Variants in TLK1 observed in about 807,000 individuals in gnomAD.
The protein encoded by TLK1 is serine/threonine-protein kinase tousled-like 1.
TLK1 carries 24 observed loss-of-function variants against 105.3 expected under a neutral mutation model. The ratio of observed to expected loss-of-function variants is 0.23; its 90% CI spans 0.17 to 0.32. The LOEUF (loss-of-function observed/expected upper bound fraction) is 0.32. Ranked by LOEUF, TLK1 falls within the 10% of genes least tolerant of loss-of-function variation. TLK1 has a pLI of 1.00. For missense variants in TLK1, 558 were observed against 910.5 expected, an observed-to-expected ratio of 0.61 and a Z score of 4.98; for synonymous variants, 321 against 310.4, an observed-to-expected ratio of 1.03 and a Z score of -0.36.
rs185621057 is a variant in TLK1 at position 171,038,320 on chromosome 2, T to C, written c.1169+7854A>G. ...TTCTCTGTATTGTATGTGTGTTTCCTATATTAATTTCTGCTATCTTTTCCC... is the reference window on the plus strand; with the variant it reads ...TTCTCTGTATTGTATGTGTGTTTCCCATATTAATTTCTGCTATCTTTTCCC... On this transcript the variant is annotated intron_variant, in intron 11 of 20. Coordinates refer to ENST00000431350, the MANE Select transcript of TLK1 (RefSeq NM_012290.5). Among the ~76,000 whole-genome samples the C allele has an allele frequency of 9.9e-5, 15 of 152,274 alleles. No individual in the cohort carries two copies. In the East Asian group the frequency reaches 2.9e-3, roughly 29 times the overall value.
chr2:171,190,962 G>C (rs1340544789), intron 1 of TLK1, among the ~76,000 whole-genome samples: 3 of 151,766 alleles, frequency 2.0e-5, no homozygotes, highest in African/African-American at 7.3e-5. Context: ...AGGAGTTCAA[G>C]ACTAGCCTGG....
At position 171,011,435 on chromosome 2, in the gene TLK1, A is replaced by C; in HGVS notation, c.1354T>G (p.Leu452Val). ...DNSQFKDHPT[L>V]NERYLLLHLL... ...TGAAGTAATAAATATCTTTCATTTAATGTTGGGTGATCTTTGAACCTTAGA... is the reference window on the plus strand; with the variant it reads ...TGAAGTAATAAATATCTTTCATTTACTGTTGGGTGATCTTTGAACCTTAGA... Residue 452 changes from leucine (L) to valine (V), a missense_variant, in exon 14 of 21, where the codon TTA becomes GTA. By Grantham distance (32) the Leu-to-Val change is conservative (BLOSUM62 1). Around this residue, in one of 5 missense-constraint regions of TLK1, gnomAD observed 218 missense variants for 492.9 expected, o/e 0.44. Coordinates refer to ENST00000431350, the MANE Select transcript of TLK1 (RefSeq NM_012290.5). 6.2e-7 allele frequency: 1 copy of C among 1,613,146 alleles called. No homozygotes were observed. The highest frequency in any genetic ancestry group is 8.5e-7 in the Non-Finnish European group (1 of 1,179,568).
At chr2:171,188,366 T>G (rs932495085) in intron 1 of TLK1, among the ~76,000 whole-genome samples, 4 of 151,916 alleles carry the variant, frequency 2.6e-5, no homozygotes, top group African/African-American at 9.7e-5. Context: ...GGTCAGGTGT[T>G]CAAGACCAGC....
chr2:171,158,503 A>G (rs1167724972), intron 1 of TLK1, among the ~76,000 whole-genome samples: 1 of 152,208 alleles, frequency 6.6e-6, no homozygotes, highest in Non-Finnish European at 1.5e-5. Context: ...CCCAATACTG[A>G]TAACAGATAT....
At chr2:171,187,075 A>AG (rs1326984315) in intron 1 of TLK1, among the ~76,000 whole-genome samples, 2 of 128,440 alleles carry the variant, frequency 1.6e-5, no homozygotes, top group South Asian at 2.9e-4. Flanking sequence ...AAAAAAAAAA[A>AG]AAAAAAAAGA....
intron 1 of TLK1, among the ~76,000 whole-genome samples, chr2:171,158,702 A>G (rs577420018): frequency 2.1e-4 from 32 of 152,360 alleles, no homozygotes; most frequent in South Asian, 1.0e-3. Flanking sequence ...ATGAAACTAC[A>G]AACAAAAGTA....
intron 1 of TLK1, among the ~76,000 whole-genome samples, chr2:171,196,645 T>G (rs1693281213): frequency 6.6e-6 from 1 of 152,206 alleles, no homozygotes; most frequent in Non-Finnish European, 1.5e-5. Context: ...TGCAGAAGAA[T>G]GGTGAGCTTG....
chr2:171,184,955 C>T (rs1431494014), intron 1 of TLK1, among the ~76,000 whole-genome samples: 1 of 152,064 alleles, frequency 6.6e-6, no homozygotes, highest in Non-Finnish European at 1.5e-5. Context: ...TCTCCTGCCT[C>T]AGACTCCCAA....
chr2:171,132,575 C>T (rs959255972), intron 1 of TLK1, among the ~76,000 whole-genome samples: 3 of 152,150 alleles, frequency 2.0e-5, no homozygotes, highest in Non-Finnish European at 4.4e-5. Flanking sequence ...AGTTTCTTTA[C>T]AAATAGCTGT....
chr2:171,048,943 A>C (rs2105427502), intron 10 of TLK1, among the ~76,000 whole-genome samples: 1 of 152,372 alleles, frequency 6.6e-6, no homozygotes, highest in East Asian at 1.9e-4. Context: ...ATAAACAGCC[A>C]ATAAATCCTT....
At chr2:171,039,300 C>A (rs918203819) in intron 11 of TLK1, among the ~76,000 whole-genome samples, 1 of 152,178 alleles carries the variant, frequency 6.6e-6, no homozygotes, top group African/African-American at 2.4e-5. Flanking sequence ...AGATCTCACT[C>A]TGTCACCCAG....
intron 2 of TLK1, among the ~76,000 whole-genome samples, chr2:171,105,507 G>A (rs1159039173): frequency 6.6e-6 from 1 of 152,128 alleles, no homozygotes; most frequent in Non-Finnish European, 1.5e-5. Flanking sequence ...CCAACATGGT[G>A]AAACGCCATC....
intron 3 of TLK1, among the ~76,000 whole-genome samples, chr2:171,073,105 AT>A (rs1446352120): frequency 6.6e-6 from 1 of 152,048 alleles, no homozygotes; most frequent in Non-Finnish European, 1.5e-5. Context: ...AGTTCTAATA[AT>A]TTTTTGGTAC....
chr2:171,088,983 C>T (rs1689104631), intron 2 of TLK1, among the ~76,000 whole-genome samples: 1 of 152,190 alleles, frequency 6.6e-6, no homozygotes, highest in Non-Finnish European at 1.5e-5. Flanking sequence ...TTTCCGGGCT[C>T]AAGTGATTCT....
At chr2:171,092,681 G>T (rs759973041) in intron 2 of TLK1, among the ~76,000 whole-genome samples, 1 of 152,106 alleles carries the variant, frequency 6.6e-6, no homozygotes, top group Non-Finnish European at 1.5e-5. Context: ...TGTCCACCTG[G>T]AAGTTACCAA....
intron 12 of TLK1, among the ~76,000 whole-genome samples, chr2:171,018,878 T>C (rs1160505820): frequency 6.6e-6 from 1 of 152,192 alleles, no homozygotes; most frequent in East Asian, 1.9e-4. Flanking sequence ...ACAGACTGTA[T>C]TAAAGAGAGA....
intron 1 of TLK1, among the ~76,000 whole-genome samples, chr2:171,139,030 A>G (rs1199155021): frequency 6.6e-6 from 1 of 152,228 alleles, no homozygotes; most frequent in Non-Finnish European, 1.5e-5. Context: ...AAACTTTTTT[A>G]TATTAAACTA....
intron 1 of TLK1, among the ~76,000 whole-genome samples, chr2:171,190,526 C>A (rs1693125700): frequency 6.6e-6 from 1 of 152,084 alleles, no homozygotes; most frequent in South Asian, 2.1e-4. Flanking sequence ...GACAATAATC[C>A]TAAAATTTTA....
At chr2:171,099,449 AT>A (rs1159364841) in intron 2 of TLK1, among the ~76,000 whole-genome samples, 1 of 152,200 alleles carries the variant, frequency 6.6e-6, no homozygotes, top group Non-Finnish European at 1.5e-5. Flanking sequence ...CAACCTAGAC[AT>A]TCACCAAAAT....
Sources: gnomAD v4.1 joint callset for allele counts (sites outside exome capture counted in the v4.1 genomes callset) on GRCh38, gnomAD v4.1.1 for gene constraint, gnomAD v4.1.1 regional missense constraint, MANE v1.5 for transcripts, NCBI Gene and HGNC (gene_info 2026-07-23, HGNC 2026-07-21) for gene names.